The following AGO3 variants were observed in gnomAD, a reference collection of about 807,000 sequenced individuals.
AGO3 encodes argonaute RISC catalytic component 3.
A neutral mutation model predicts 105.5 loss-of-function variants in AGO3; 16 were observed. The observed-to-expected ratio is 0.15, with a 90% confidence interval of 0.10 to 0.23. AGO3 has a LOEUF of 0.23. Ranked by LOEUF, AGO3 falls within the 10% of genes least tolerant of loss-of-function variation. The pLI is 1.00. For synonymous variants in AGO3, 340 were observed against 367.3 expected (o/e 0.93, Z 0.85); for missense variants, 534 against 1,088.0 (o/e 0.49, Z 7.16).
Position 36,036,332 on chromosome 1 carries a change from CTTTT to C in AGO3, c.1842+67_1842+70del, listed in dbSNP as rs1294692763. 3.5e-6 allele frequency: 5 copies of C among 1,425,368 alleles called. No individual in the cohort carries two copies. In the African/African-American group the frequency reaches 7.2e-5, roughly 20 times the overall value. The allele number at this position is 1,425,368 out of a possible 1,614,324, so 88.3% of individuals were successfully genotyped here. ...ACCAGTATCAATTTTGCAGTTTCAA[CTTTT>C]TGAATTTTAATATTTTCTTTGTAGC... On this transcript the variant is annotated intron_variant, in intron 14 of 18. Coordinates refer to ENST00000373191, the MANE Select transcript of AGO3 (RefSeq NM_024852.4).
At chr1:35,984,385 T>A (rs922284543) in intron 5 of AGO3, 1 of 152,098 alleles carries the variant, frequency 6.6e-6, no homozygotes, top group African/African-American at 2.4e-5. Flanking sequence ...CAATGAGAGC[T>A]TTTTCAATAA....
chr1:36,010,835 G>T (rs1640572380), intron 9 of AGO3, among the ~76,000 whole-genome samples: 1 of 151,560 alleles, frequency 6.6e-6, no homozygotes, highest in South Asian at 2.1e-4. Context: ...GAACCCGGGA[G>T]GCGCAGGTTG....
At chr1:35,953,589 G>A (rs999502202) in intron 2 of AGO3, among the ~76,000 whole-genome samples, 2 of 150,534 alleles carry the variant, frequency 1.3e-5, no homozygotes, top group South Asian at 2.1e-4. Context: ...GCAGTGGCAC[G>A]ATCTTAGCTC....
chr1:35,955,950 G>A (rs536030485), intron 2 of AGO3, among the ~76,000 whole-genome samples: 3 of 152,200 alleles, frequency 2.0e-5, no homozygotes, highest in South Asian at 2.1e-4. Context: ...CTGGTGTACC[G>A]TGTGTTGCAC....
At chr1:35,950,745 T>G (rs548604729) in intron 2 of AGO3, among the ~76,000 whole-genome samples, 1 of 152,294 alleles carries the variant, frequency 6.6e-6, no homozygotes, top group East Asian at 1.9e-4. Flanking sequence ...GAGTATACAT[T>G]CTGTAACTTG....
rs1321445939 is a variant in AGO3 at position 36,056,724 on chromosome 1, TTTTTTC to T, written c.*990_*995del. On this transcript the variant is annotated 3_prime_UTR_variant, in exon 19 of 19. Transcript: ENST00000373191. The stretch of plus-strand genomic sequence containing the variant: ...GTAGCAACCTGAACTATTCTTTTTC[TTTTTTC>T]TTTTTCTTTTCTTTCTTTTTTTTTT... 2 of 151,664 alleles carry T rather than the reference TTTTTTC, an allele frequency of 1.3e-5. No individual in the cohort carries two copies. Among genetic ancestry groups the T allele is most frequent in the Non-Finnish European group, 2.9e-5 (2 of 67,936 alleles). The allele number at this position is 151,664 out of a possible 1,614,324, so 9.4% of individuals were successfully genotyped here.
At chr1:35,971,278 G>T (rs2148774009) in intron 3 of AGO3, among the ~76,000 whole-genome samples, 1 of 150,530 alleles carries the variant, frequency 6.6e-6, no homozygotes, top group East Asian at 1.9e-4. Flanking sequence ...TCGTGCCTCA[G>T]CCTCCCGAGT....
intron 5 of AGO3, among the ~76,000 whole-genome samples, chr1:36,002,889 G>A (rs1640156121): frequency 6.6e-6 from 1 of 152,080 alleles, no homozygotes; most frequent in Non-Finnish European, 1.5e-5. Flanking sequence ...TGGCCAACGT[G>A]GTAAAACCTT....
chr1:36,016,257 C>G (rs1358829047), intron 11 of AGO3, among the ~76,000 whole-genome samples: 1 of 152,218 alleles, frequency 6.6e-6, no homozygotes, highest in Non-Finnish European at 1.5e-5. Context: ...TCTCGGCTCA[C>G]TGCAACCTCC....
chr1:36,023,876 C>T (rs1641363682), intron 11 of AGO3, among the ~76,000 whole-genome samples: 1 of 152,160 alleles, frequency 6.6e-6, no homozygotes, highest in Non-Finnish European at 1.5e-5. Context: ...TGCCTTTCAT[C>T]TCCACCACTT....
intron 17 of AGO3, among the ~76,000 whole-genome samples, chr1:36,047,825 G>A (rs978045634): frequency 2.6e-5 from 4 of 152,022 alleles, no homozygotes; most frequent in African/African-American, 9.7e-5. Flanking sequence ...GCTGCAACGA[G>A]CTGAGATCAC....
At chr1:35,977,851 T>C (rs1001719582) in intron 5 of AGO3, among the ~76,000 whole-genome samples, 1 of 152,202 alleles carries the variant, frequency 6.6e-6, no homozygotes, top group Admixed American at 6.5e-5. Context: ...AATAAGCATC[T>C]ATTACTTCTT....
chr1:35,975,150 T>C (rs116272063), intron 5 of AGO3, among the ~76,000 whole-genome samples: 2 of 152,182 alleles, frequency 1.3e-5, no homozygotes, highest in African/African-American at 2.4e-5. Context: ...TGTATTAATA[T>C]TTGTAATTTG....
At chr1:35,970,469 A>T (rs1478696480) in intron 3 of AGO3, among the ~76,000 whole-genome samples, 1 of 152,144 alleles carries the variant, frequency 6.6e-6, no homozygotes, top group East Asian at 1.9e-4. Flanking sequence ...GTCCTACAGT[A>T]CATATAAAAT....
intron 6 of AGO3, chr1:36,005,703 C>A (rs1569738526): frequency 3.0e-6 from 3 of 985,070 alleles, no homozygotes; most frequent in African/African-American, 1.7e-5. Context: ...CAACTCATAT[C>A]ACCACTCTAT....
At chr1:35,970,626 T>G (rs896883394) in intron 3 of AGO3, among the ~76,000 whole-genome samples, 3 of 152,308 alleles carry the variant, frequency 2.0e-5, no homozygotes, top group Middle Eastern at 6.8e-3. Flanking sequence ...GAGCTTCCTT[T>G]TTCTTTTTTT....
At position 36,027,938 on chromosome 1, in the gene AGO3, T is replaced by G. The variant is rs536662427; in HGVS notation, c.1591+640T>G. ...TCAAATTAAACTGTGTTGCTCAATA[T>G]TCAGGTACTGCCGGTTCTACTACCT... On this transcript the variant is annotated intron_variant, in intron 12 of 18. Transcript: ENST00000373191. This position sits in a 1 kb window ranked among gnomAD's most constrained non-coding sequence, Gnocchi z 4.0. Among the ~76,000 whole-genome samples the G allele has an allele frequency of 1.3e-5, 2 of 152,234 alleles. No homozygotes were observed. Among genetic ancestry groups the G allele is most frequent in the African/African-American group, 4.8e-5 (2 of 41,458 alleles).
intron 5 of AGO3, among the ~76,000 whole-genome samples, chr1:36,002,597 G>A (rs945146120): frequency 2.0e-5 from 3 of 152,058 alleles, no homozygotes; most frequent in Admixed American, 2.0e-4. Flanking sequence ...CTCCCAAAGT[G>A]CTGGGATTAC....
At chr1:36,038,530 C>T (rs2148847746) in intron 14 of AGO3, among the ~76,000 whole-genome samples, 1 of 152,190 alleles carries the variant, frequency 6.6e-6, no homozygotes, top group East Asian at 1.9e-4. Flanking sequence ...TCTGGGATTA[C>T]AGGCGTGAGC....
Sources: gnomAD v4.1 joint callset for allele counts (sites outside exome capture counted in the v4.1 genomes callset) on GRCh38, gnomAD v4.1.1 for gene constraint, Gnocchi (gnomAD v3.1) non-coding constraint, MANE v1.5 for transcripts, NCBI Gene and HGNC (gene_info 2026-07-23, HGNC 2026-07-21) for gene names.